Variants in RBFOX1 observed in about 807,000 individuals in gnomAD.
RBFOX1 encodes the protein RNA binding fox-1 homolog 1.
In RBFOX1, 8 loss-of-function variants were observed where a neutral mutation model predicts 57.7. The observed-to-expected ratio is 0.14, with a 90% CI of 0.08 to 0.25. The LOEUF is 0.25. Ranked by LOEUF, RBFOX1 falls within the 10% of genes least tolerant of loss-of-function variation. The pLI is 1.00. For missense variants in RBFOX1, 611 were observed against 548.5 expected, an observed-to-expected ratio of 1.11 and a Z score of -1.14; for synonymous variants, 326 against 222.4, an observed-to-expected ratio of 1.47 and a Z score of -4.15.
chr16:7,159,055 C>T (rs563014964), intron 4 of RBFOX1, among the ~76,000 whole-genome samples: 2 of 151,828 alleles, frequency 1.3e-5, no homozygotes, highest in East Asian at 1.9e-4. Flanking sequence ...CAACCACTAA[C>T]CTGTTCTTCA....
chr16:7,183,675 C>A (rs1384359663), intron 4 of RBFOX1, among the ~76,000 whole-genome samples: 3 of 152,144 alleles, frequency 2.0e-5, no homozygotes, highest in Admixed American at 6.5e-5. Flanking sequence ...CAGATGATAT[C>A]TTCAGGCAGA....
At chr16:6,250,104 G>A (rs1213140718) in intron 1 of RBFOX1, among the ~76,000 whole-genome samples, 2 of 152,130 alleles carry the variant, frequency 1.3e-5, no homozygotes, top group Non-Finnish European at 2.9e-5. Context: ...GATAAGGCAT[G>A]CTGGTTCAGC....
chr16:6,483,438 C>G, intron 2 of RBFOX1: 1 of 1,535,656 alleles, frequency 6.5e-7, no homozygotes, highest in Non-Finnish European at 8.7e-7. Context: ...TTGCTGTTGC[C>G]TCGGACTTCT....
chr16:6,702,040 T>C (rs1177638808), intron 3 of RBFOX1, among the ~76,000 whole-genome samples: 1 of 152,094 alleles, frequency 6.6e-6, no homozygotes, highest in Non-Finnish European at 1.5e-5. Flanking sequence ...ACCATACCCT[T>C]GCAACATACA....
intron 1 of RBFOX1, among the ~76,000 whole-genome samples, chr16:5,420,097 C>T (rs1449381261): frequency 2.0e-5 from 3 of 152,162 alleles, no homozygotes; most frequent in Non-Finnish European, 4.4e-5. Flanking sequence ...CTGTTTCAAG[C>T]TGCCAGGTCT....
At chr16:7,024,218 CA>C (rs1475342120) in intron 3 of RBFOX1, among the ~76,000 whole-genome samples, 9 of 152,100 alleles carry the variant, frequency 5.9e-5, no homozygotes, top group African/African-American at 2.2e-4. Context: ...CCTTAATTTA[CA>C]GCATTGGCAC....
chr16:5,814,853 T>C (rs866687674), intron 3 of RBFOX1, among the ~76,000 whole-genome samples: 25 of 151,582 alleles, frequency 1.6e-4, no homozygotes, highest in African/African-American at 4.9e-4. Flanking sequence ...GGCGTGAACC[T>C]GGGAAGCGGA....
chr16:7,260,868 T>G (rs1452823106), intron 4 of RBFOX1, among the ~76,000 whole-genome samples: 1 of 152,088 alleles, frequency 6.6e-6, no homozygotes, highest in Non-Finnish European at 1.5e-5. Context: ...CCTATCTAAT[T>G]AAGAGCTGGG....
intron 1 of RBFOX1, among the ~76,000 whole-genome samples, chr16:5,313,578 C>G (rs1036673954): frequency 2.0e-5 from 3 of 151,998 alleles, no homozygotes; most frequent in Non-Finnish European, 4.4e-5. Flanking sequence ...AATGGACTTA[C>G]AGTTCCACAT....
intron 2 of RBFOX1, among the ~76,000 whole-genome samples, chr16:6,541,270 G>C (rs1319965929): frequency 6.6e-6 from 1 of 152,192 alleles, no homozygotes; most frequent in Non-Finnish European, 1.5e-5. Context: ...AAGGAACTTT[G>C]ACATGAAGAT....
intron 3 of RBFOX1, among the ~76,000 whole-genome samples, chr16:6,896,688 T>A (rs2067001541): frequency 6.6e-6 from 1 of 152,192 alleles, no homozygotes; most frequent in Admixed American, 6.5e-5. Flanking sequence ...AGTGCTGCTG[T>A]GGTCATTGTG....
chr16:7,368,090 A>G (rs2097494692), intron 4 of RBFOX1, among the ~76,000 whole-genome samples: 2 of 152,186 alleles, frequency 1.3e-5, no homozygotes, highest in East Asian at 3.9e-4. Context: ...AACGTAATGA[A>G]ACCCCATCTT....
At chr16:6,887,727 A>C (rs973327499) in intron 3 of RBFOX1, among the ~76,000 whole-genome samples, 1 of 151,498 alleles carries the variant, frequency 6.6e-6, no homozygotes, top group African/African-American at 2.4e-5. Flanking sequence ...CCCTGGTGCA[A>C]TCTTGGCTTA....
At chr16:5,717,674 C>A (rs1373433941) in intron 3 of RBFOX1, among the ~76,000 whole-genome samples, 1 of 152,192 alleles carries the variant, frequency 6.6e-6, no homozygotes, top group Non-Finnish European at 1.5e-5. Flanking sequence ...ATCCAAGTTG[C>A]TGCAAAGGCC....
intron 1 of RBFOX1, among the ~76,000 whole-genome samples, chr16:6,195,246 G>C (rs2097172254): frequency 2.6e-5 from 4 of 152,134 alleles, no homozygotes; most frequent in Admixed American, 2.6e-4. Context: ...GCAATGTTTA[G>C]AGTCCGCCAT....
intron 2 of RBFOX1, among the ~76,000 whole-genome samples, chr16:5,483,736 A>G (rs2151649688): frequency 6.6e-6 from 1 of 152,262 alleles, no homozygotes. Flanking sequence ...TTAGTTATCT[A>G]TTGCTGTGTA....
intron 3 of RBFOX1, among the ~76,000 whole-genome samples, chr16:6,872,140 C>T (rs1410664573): frequency 2.0e-5 from 3 of 152,100 alleles, no homozygotes; most frequent in African/African-American, 2.4e-5. Flanking sequence ...GCTTTCTTTT[C>T]CACCAAATGG....
At chr16:6,728,275 C>T (rs933760824) in intron 3 of RBFOX1, among the ~76,000 whole-genome samples, 1 of 152,118 alleles carries the variant, frequency 6.6e-6, no homozygotes, top group Non-Finnish European at 1.5e-5. Context: ...CAGTTTTCAG[C>T]TTGGGGAAAT....
intron 1 of RBFOX1, among the ~76,000 whole-genome samples, chr16:5,462,525 T>C (rs2068824556): frequency 6.6e-6 from 1 of 152,222 alleles, no homozygotes; most frequent in Admixed American, 6.5e-5. Context: ...AGAAGCAGGA[T>C]ACACAATAAC....
Sources: allele counts gnomAD v4.1 joint callset (sites outside exome capture counted in the v4.1 genomes callset), GRCh38; gene constraint gnomAD v4.1.1; transcripts MANE v1.5; gene names NCBI Gene and HGNC (gene_info 2026-07-23, HGNC 2026-07-21).